DEUP1: variants seen among roughly 807,000 people sequenced by gnomAD.
DEUP1 encodes coiled-coil domain containing 67.
DEUP1 carries 82 observed loss-of-function variants against 87.4 expected under a neutral mutation model. The observed-to-expected ratio is 0.94, with a 90% CI of 0.78 to 1.13. The LOEUF (loss-of-function observed/expected upper bound fraction) is 1.13. Ranked by LOEUF, DEUP1 falls within the 50% of genes most tolerant of loss-of-function variation. The pLI, the probability that DEUP1 is intolerant of heterozygous loss-of-function variation, is 0.00. For missense variants in DEUP1, 663 were observed against 681.5 expected, an observed-to-expected ratio of 0.97 and a Z score of 0.30; for synonymous variants, 214 against 222.7, an observed-to-expected ratio of 0.96 and a Z score of 0.35.
intron 7 of DEUP1, among the ~76,000 whole-genome samples, chr11:93,384,376 A>C (rs1946438575): frequency 1.3e-5 from 2 of 152,184 alleles, no homozygotes; most frequent in South Asian, 4.1e-4. Context: ...ACTTGTCTGC[A>C]TTCCATCTTC....
intron 9 of DEUP1, among the ~76,000 whole-genome samples, chr11:93,391,193 T>TC (rs1188205668): frequency 7.2e-5 from 11 of 152,198 alleles, no homozygotes; most frequent in Admixed American, 7.2e-4. Context: ...TTATTTCTTT[T>TC]CCTTTTTTCC....
At chr11:93,347,820 A>G (rs1944431867) in intron 2 of DEUP1, among the ~76,000 whole-genome samples, 1 of 152,068 alleles carries the variant, frequency 6.6e-6, no homozygotes, top group Admixed American at 6.6e-5. Context: ...GCTCACTGCA[A>G]GCTCTGCCTC....
intron 13 of DEUP1, among the ~76,000 whole-genome samples, chr11:93,416,610 A>G (rs1424825263): frequency 2.6e-5 from 4 of 151,776 alleles, no homozygotes; most frequent in African/African-American, 4.8e-5. Context: ...ACAAGGAGGA[A>G]CTGGTACCAT....
chr11:93,341,371 T>C (rs1003087724), intron 2 of DEUP1, among the ~76,000 whole-genome samples: 1 of 152,178 alleles, frequency 6.6e-6, no homozygotes, highest in African/African-American at 2.4e-5. Context: ...GCCTCCGTCA[T>C]GTAAGAAGTG....
intron 12 of DEUP1, among the ~76,000 whole-genome samples, chr11:93,411,879 C>G (rs758524527): frequency 3.9e-4 from 60 of 152,094 alleles, no homozygotes; most frequent in Non-Finnish European, 6.8e-4. Flanking sequence ...GTTTCTAATA[C>G]TAAAAAACCA....
chr11:93,370,124 A>T lies in DEUP1; in HGVS notation c.484A>T (p.Thr162Ser). The stretch of plus-strand genomic sequence containing the variant: ...GGACAAGCAAGAGATATTATATCAG[A>T]CTCATCTGATTTCTTTAGATGCTCA... ...EWDKQEILYQTHLISLDAQQK... is the reference protein window; with the variant it reads ...EWDKQEILYQSHLISLDAQQK... The change falls in exon 6 of 14, where the codon ACT (threonine) becomes TCT (serine). Residue 162 changes from threonine to serine, a missense_variant. By Grantham distance (58) the Thr-to-Ser change is moderately conservative. Transcript: ENST00000298050. 6.2e-7 allele frequency: 1 copy of T among 1,608,978 alleles called. No individual in the cohort carries two copies. Among genetic ancestry groups the T allele is most frequent in the Non-Finnish European group, 8.5e-7 (1 of 1,176,930 alleles).
chr11:93,394,634 A>C lies in DEUP1; in HGVS notation c.1217A>C (p.Glu406Ala). The change falls in exon 10 of 14, where the codon GAA (glutamate) becomes GCA (alanine). Residue 406 changes from glutamate to alanine, a missense_variant. Physicochemically the swap from Glu to Ala is moderately radical, Grantham distance 107 (BLOSUM62 -1). Transcript: ENST00000298050. Reference sequence around the variant, plus strand: ...TTAAAAATGGAATTAGAAATAAAAGAAAAAATGTTAGCAAAACAAAAGGTA... The same window carrying C: ...TTAAAAATGGAATTAGAAATAAAAGCAAAAATGTTAGCAAAACAAAAGGTA... The part of the protein sequence containing the change: ...KQLKMELEIK[E>A]KMLAKQKVSD... 1.9e-6 allele frequency: 3 copies of C among 1,610,940 alleles called. No homozygotes were observed. The highest frequency in any genetic ancestry group is 2.5e-6 in the Non-Finnish European group (3 of 1,178,916).
intron 12 of DEUP1, among the ~76,000 whole-genome samples, chr11:93,410,617 A>G (rs551689457): frequency 3.9e-5 from 6 of 152,210 alleles, no homozygotes; most frequent in Non-Finnish European, 8.8e-5. Context: ...TTGAGCACCC[A>G]CTGGGTACAG....
intron 2 of DEUP1, among the ~76,000 whole-genome samples, chr11:93,336,255 G>A (rs962203699): frequency 6.6e-6 from 1 of 152,144 alleles, no homozygotes; most frequent in African/African-American, 2.4e-5. Context: ...AGAGAGAGAA[G>A]GGGGGAGTTG....
chr11:93,394,615 A>G lies in DEUP1; in HGVS notation c.1198A>G (p.Met400Val), dbSNP rs930807907. ...KAALLEKQLK[M>V]ELEIKEKMLA... ...TGCCCTTCTGGAAAAACAGTTAAAAATGGAATTAGAAATAAAAGAAAAAAT... is the reference window on the plus strand; with the variant it reads ...TGCCCTTCTGGAAAAACAGTTAAAAGTGGAATTAGAAATAAAAGAAAAAAT... The change falls in exon 10 of 14, where the codon ATG becomes GTG. Residue 400 changes from methionine to valine, a missense_variant. Physicochemically the swap from Met to Val is conservative, Grantham distance 21. Transcript: ENST00000298050. 3.7e-6 allele frequency: 6 copies of G among 1,611,768 alleles called. No individual in the cohort carries two copies. Among genetic ancestry groups the G allele is most frequent in the Non-Finnish European group, 5.1e-6 (6 of 1,179,326 alleles).
chr11:93,343,918 G>A (rs1944200448), intron 2 of DEUP1, among the ~76,000 whole-genome samples: 1 of 152,070 alleles, frequency 6.6e-6, no homozygotes, highest in South Asian at 2.1e-4. Flanking sequence ...GGAAATGAAT[G>A]GATTGAATGT....
intron 2 of DEUP1, among the ~76,000 whole-genome samples, chr11:93,341,549 T>C (rs1040516989): frequency 6.6e-6 from 1 of 152,144 alleles, no homozygotes; most frequent in African/African-American, 2.4e-5. Context: ...TTACTATTAG[T>C]CATATACATA....
intron 4 of DEUP1, 180 bp downstream of exon 4, chr11:93,357,223 C>G: frequency 2.0e-6 from 1 of 497,558 alleles, no homozygotes; most frequent in Non-Finnish European, 3.5e-6. Context: ...AGATTGTTGT[C>G]TTGCTATATT....
At chr11:93,353,664 G>C (rs1944743804) in intron 2 of DEUP1, among the ~76,000 whole-genome samples, 1 of 152,206 alleles carries the variant, frequency 6.6e-6, no homozygotes, top group South Asian at 2.1e-4. Context: ...CCCAATTCTT[G>C]ACTTCTGTGC....
At chr11:93,365,726 A>C (rs1945381806) in intron 5 of DEUP1, among the ~76,000 whole-genome samples, 1 of 152,228 alleles carries the variant, frequency 6.6e-6, no homozygotes, top group Admixed American at 6.5e-5. Flanking sequence ...GCACTTACAC[A>C]AAAGTTTTTA....
Position 93,393,619 on chromosome 11 carries a change from C to A in DEUP1, c.1042-840C>A, listed in dbSNP as rs142741721. Among the ~76,000 whole-genome samples the A allele has an allele frequency of 6.4e-3, 979 of 152,328 alleles. 13 individuals carry two copies. Among genetic ancestry groups the A allele is most frequent in the African/African-American group, 0.021 (882 of 41,576 alleles). On this transcript the variant is annotated intron_variant, in intron 9 of 13. Coordinates refer to ENST00000298050, the MANE Select transcript of DEUP1 (RefSeq NM_181645.4). ...TACATACTGCTGACACTAATTGCTA[C>A]ACTGTGTTGTAATCGTCTATTTTTC...
In DEUP1 at chr11:93,375,926, G is replaced by A. The variant is rs115661727; in HGVS notation, c.789+4646G>A. ...AATCTGTCTGGTCCTGGACTTTTTTGTTGGCAATTTTCATATTACTGTTTT... is the reference window on the plus strand; with the variant it reads ...AATCTGTCTGGTCCTGGACTTTTTTATTGGCAATTTTCATATTACTGTTTT... On this transcript the variant is annotated intron_variant, in intron 7 of 13. Coordinates refer to ENST00000298050, the MANE Select transcript of DEUP1 (RefSeq NM_181645.4). Among the ~76,000 whole-genome samples the A allele has an allele frequency of 8.3e-3, 1,263 of 152,054 alleles. 18 individuals are homozygous for A. Among genetic ancestry groups the A allele is most frequent in the African/African-American group, 0.029 (1,215 of 41,510 alleles).
chr11:93,377,794 C>A (rs892655021), intron 7 of DEUP1, among the ~76,000 whole-genome samples: 37 of 151,962 alleles, frequency 2.4e-4, no homozygotes, highest in African/African-American at 8.7e-4. Context: ...TTAATGTTGG[C>A]TTGGTAGTGG....
At chr11:93,352,322 A>G (rs529371035) in intron 2 of DEUP1, 6 of 702,160 alleles carry the variant, frequency 8.5e-6, no homozygotes, top group African/African-American at 1.7e-5. Context: ...TAAGACCTCA[A>G]TAACTACCTG....
Sources: gnomAD v4.1 joint callset for allele counts (sites outside exome capture counted in the v4.1 genomes callset) on GRCh38, gnomAD v4.1.1 for gene constraint, MANE v1.5 for transcripts, NCBI Gene and HGNC (gene_info 2026-07-23, HGNC 2026-07-21) for gene names.